Variants in RUNX1 observed in about 807,000 individuals in gnomAD.
RUNX1 encodes RUNX family transcription factor 1.
Under a neutral mutation model 42.8 loss-of-function variants are expected in RUNX1, and 19 were observed. The observed-to-expected ratio is 0.44, with a 90% CI of 0.31 to 0.65. The LOEUF (loss-of-function observed/expected upper bound fraction) is 0.65, where lower values mean the gene tolerates loss of function less well. Among genes scored for constraint, RUNX1 ranks in the 30% least tolerant of loss-of-function variants. The pLI is 0.07. For synonymous variants in RUNX1, 271 were observed against 289.4 expected (o/e 0.94, Z 0.64); for missense variants, 528 against 672.0 (o/e 0.79, Z 2.37).
intron 3 of RUNX1, chr21:34,887,708 A>G: frequency 9.4e-7 from 1 of 1,061,536 alleles, no homozygotes; most frequent in Non-Finnish European, 1.1e-6. Context: ...ATATAAATAT[A>G]TACATATGCT....
rs908883346 is a variant in RUNX1, at chr21:34,789,802, A to G, written c.*2333T>C. ...TGAGAGTAAAGGTTCAATGTAAAAG[A>G]TTATCTAATCAGAGCATGAGGCTGG... On this transcript the variant is annotated 3_prime_UTR_variant, in exon 9 of 9. Coordinates refer to ENST00000675419, the MANE Select transcript of RUNX1 (RefSeq NM_001754.5). 2 of 233,142 alleles carry G rather than the reference A, an allele frequency of 8.6e-6. No individual in the cohort carries two copies. Among genetic ancestry groups the G allele is most frequent in the African/African-American group, 4.4e-5 (2 of 45,330 alleles). The allele number at this position is 233,142 out of a possible 1,614,324, so 14.4% of individuals were successfully genotyped here. A position where few individuals can be genotyped will look rare whatever the true frequency, so the allele number is the denominator to read the frequency against.
intron 2 of RUNX1, among the ~76,000 whole-genome samples, chr21:35,025,427 C>T (rs1049148349): frequency 2.6e-5 from 4 of 152,158 alleles, no homozygotes; most frequent in African/African-American, 4.8e-5. Flanking sequence ...CCAGACGTTC[C>T]GATGCCCTGC....
At chr21:34,909,648 A>C (rs1313452676) in intron 2 of RUNX1, among the ~76,000 whole-genome samples, 1 of 83,652 alleles carries the variant, frequency 1.2e-5, no homozygotes, top group Non-Finnish European at 2.2e-5. Context: ...CTCCAGAGTG[A>C]CCTCTTCAGC....
At chr21:34,816,603 G>A (rs2056830702) in intron 7 of RUNX1, among the ~76,000 whole-genome samples, 4 of 152,168 alleles carry the variant, frequency 2.6e-5, no homozygotes, top group Admixed American at 1.3e-4. Flanking sequence ...CGGGAAGGGA[G>A]TCAGTCTGGG....
At chr21:34,815,325 T>G (rs2056810572) in intron 7 of RUNX1, among the ~76,000 whole-genome samples, 2 of 151,980 alleles carry the variant, frequency 1.3e-5, no homozygotes, top group Admixed American at 6.6e-5. Context: ...AGCTGAAAAT[T>G]AAAATGTAAT....
intron 2 of RUNX1, among the ~76,000 whole-genome samples, chr21:35,030,552 T>C (rs1473252698): frequency 6.6e-6 from 1 of 152,090 alleles, no homozygotes; most frequent in African/African-American, 2.4e-5. Flanking sequence ...ATTGCAAAGA[T>C]AAGAGGGCAT....
At chr21:34,951,338 A>T (rs1354742400) in intron 2 of RUNX1, among the ~76,000 whole-genome samples, 4 of 152,220 alleles carry the variant, frequency 2.6e-5, no homozygotes. Flanking sequence ...AATTTCTTTT[A>T]AAAATATTAT....
intron 5 of RUNX1, among the ~76,000 whole-genome samples, chr21:34,871,359 G>C (rs1385247670): frequency 1.3e-5 from 2 of 152,186 alleles, no homozygotes; most frequent in African/African-American, 2.4e-5. Flanking sequence ...TCGAATCTAG[G>C]AGCGTTGCTC....
intron 2 of RUNX1, among the ~76,000 whole-genome samples, chr21:34,953,857 GT>G (rs1422276184): frequency 6.6e-6 from 1 of 152,184 alleles, no homozygotes; most frequent in Non-Finnish European, 1.5e-5. Flanking sequence ...TAAGAAGAAG[GT>G]ATCAAGAAAA....
chr21:34,903,720 A>G (rs1421839751), intron 2 of RUNX1, among the ~76,000 whole-genome samples: 1 of 152,226 alleles, frequency 6.6e-6, no homozygotes, highest in Non-Finnish European at 1.5e-5. Flanking sequence ...AAGATGGCAA[A>G]TACTTTCATA....
At chr21:34,988,994 A>ATC (rs905748186) in intron 2 of RUNX1, among the ~76,000 whole-genome samples, 2,047 of 134,766 alleles carry the variant, frequency 0.015, 56 homozygotes, top group African/African-American at 0.062. Context: ...GCTGGCCCAG[A>ATC]TCTCTCTCTC....
intron 2 of RUNX1, among the ~76,000 whole-genome samples, chr21:34,912,968 C>G (rs771740669): frequency 6.6e-6 from 1 of 152,154 alleles, no homozygotes; most frequent in African/African-American, 2.4e-5. Flanking sequence ...TGATGGCTCA[C>G]GCCTGTAATC....
At chr21:34,978,331 CG>C (rs1236865325) in intron 2 of RUNX1, among the ~76,000 whole-genome samples, 47 of 152,104 alleles carry the variant, frequency 3.1e-4, no homozygotes, top group Admixed American at 3.1e-3. Flanking sequence ...GCTCATTCTA[CG>C]TTAGTTTTCT....
At chr21:35,024,200 C>T (rs2059219664) in intron 2 of RUNX1, among the ~76,000 whole-genome samples, 1 of 151,952 alleles carries the variant, frequency 6.6e-6, no homozygotes, top group Non-Finnish European at 1.5e-5. Context: ...TAGATCTTCC[C>T]CTTCCATATT....
chr21:34,975,223 C>T lies in RUNX1; in HGVS notation c.58+73619G>A, dbSNP rs142663789. On this transcript the variant is annotated intron_variant, in intron 2 of 8. Transcript: ENST00000675419. Reference sequence around the variant, plus strand: ...AGACCTCAATACCTACAAATCAGACCGAAGTTCTGCCCTCCGGGATATTAT... The same window carrying T: ...AGACCTCAATACCTACAAATCAGACTGAAGTTCTGCCCTCCGGGATATTAT... Among the ~76,000 whole-genome samples the T allele has an allele frequency of 4.7e-3, 721 of 152,312 alleles. 5 individuals are homozygous for T. Among genetic ancestry groups the T allele is most frequent in the Middle Eastern group, 0.02 (6 of 294 alleles).
intron 5 of RUNX1, among the ~76,000 whole-genome samples, chr21:34,860,530 C>CAT (rs1555894887): frequency 1.3e-5 from 2 of 149,538 alleles, no homozygotes; most frequent in African/African-American, 2.4e-5. Flanking sequence ...TGTGTCTGTG[C>CAT]GTGTGTGTGT....
intron 2 of RUNX1, among the ~76,000 whole-genome samples, chr21:34,964,954 A>C (rs1483711940): frequency 6.6e-6 from 1 of 152,012 alleles, no homozygotes; most frequent in African/African-American, 2.4e-5. Context: ...GTACACATGC[A>C]TGTACTCATT....
rs141840130 is a variant in RUNX1, at chr21:34,907,100, A to C, written c.59-14137T>G. 1.3e-5 allele frequency among the ~76,000 whole-genome samples: 2 copies of C among 152,300 alleles called. No individual in the cohort carries two copies. The highest frequency in any genetic ancestry group is 4.8e-5 in the African/African-American group (2 of 41,556). On this transcript the variant is annotated intron_variant, in intron 2 of 8. Coordinates refer to ENST00000675419, the MANE Select transcript of RUNX1 (RefSeq NM_001754.5). This position sits in a 1 kb window ranked among gnomAD's most constrained non-coding sequence, Gnocchi z 5.3. ...GATCGTGTATTCAAAGTCAGCCAGG[A>C]GGGTCATGTGCCCCCTTCAGTGAAA...
chr21:34,857,782 G>A (rs951588371), intron 6 of RUNX1, among the ~76,000 whole-genome samples: 1 of 152,160 alleles, frequency 6.6e-6, no homozygotes, highest in Admixed American at 6.5e-5. Flanking sequence ...GTTTAATGCA[G>A]GGTTACATTA....
Sources: allele counts gnomAD v4.1 joint callset (sites outside exome capture counted in the v4.1 genomes callset), GRCh38; gene constraint gnomAD v4.1.1; non-coding constraint Gnocchi (gnomAD v3.1); transcripts MANE v1.5; gene names NCBI Gene and HGNC (gene_info 2026-07-23, HGNC 2026-07-21).